Variants in BDNF observed in about 807,000 individuals in gnomAD.
The protein encoded by BDNF is neurotrophic factor BDNF precursor form.
Under a neutral mutation model 19.5 loss-of-function variants are expected in BDNF, and 1 was observed. The observed-to-expected ratio is 0.05, with a 90% confidence interval of 0.02 to 0.24. The LOEUF (loss-of-function observed/expected upper bound fraction) is 0.24, where lower values mean the gene tolerates loss of function less well. Among genes scored for constraint, BDNF ranks in the 10% least tolerant of loss-of-function variants. The pLI, the probability that BDNF is intolerant of heterozygous loss-of-function variation, is 1.00. For missense variants in BDNF, 195 were observed against 317.6 expected, an observed-to-expected ratio of 0.61 and a Z score of 2.93; for synonymous variants, 100 against 121.6, an observed-to-expected ratio of 0.82 and a Z score of 1.17.
chr11:27,697,917 T>C (rs1590443463), intron 1 of BDNF: 1 of 152,162 alleles, frequency 6.6e-6, no homozygotes, highest in South Asian at 2.1e-4. Flanking sequence ...ACGTAAGCCT[T>C]GTTTATCTGG....
rs1564942953 is a variant in BDNF, at chr11:27,659,644, TGTGTGC to T, written c.-21-1065_-21-1060del. ...GATGTTCTCTCTGTGTGTGTGTGTG[TGTGTGC>T]GCGCGCGCGTGTGCGCGCGCTCTGA... On this transcript the variant is annotated intron_variant, in intron 1 of 1. Coordinates refer to ENST00000356660, the MANE Select transcript of BDNF (RefSeq NM_001709.5). The T allele has an allele frequency of 9.0e-6, 9 of 997,810 alleles. No homozygotes were observed. The African/African-American group carries it at 1.6e-4, about 18-fold the overall frequency. The allele number at this position is 997,810 out of a possible 1,614,324, so 61.8% of individuals were successfully genotyped here.
In BDNF at chr11:27,698,223, T is replaced by TA. The variant is rs1487640625; in HGVS notation, c.-22+1940_-22+1941insT. On this transcript the variant is annotated intron_variant, in intron 1 of 1. Transcript: ENST00000356660. ...TCTCCTGCTAACCCAGAGGTAAATT[T>TA]CCCAAAAAAAAAAAAAAAAAAAAAA... 9.1e-4 allele frequency: 32 copies of TA among 35,294 alleles called. 7 individuals are homozygous for TA. The highest frequency in any genetic ancestry group is 3.3e-3 in the East Asian group (2 of 614). 2.2% of individuals were successfully genotyped at this position (35,294 alleles called of 1,614,324 possible).
chr11:27,678,395 A>G (rs572303235), intron 1 of BDNF, among the ~76,000 whole-genome samples: 1 of 152,234 alleles, frequency 6.6e-6, no homozygotes, highest in Admixed American at 6.5e-5. Context: ...AGAGGAATGA[A>G]ATCTTCCAAA....
intron 1 of BDNF, among the ~76,000 whole-genome samples, chr11:27,671,048 A>G (rs983442554): frequency 1.3e-5 from 2 of 152,014 alleles, no homozygotes; most frequent in African/African-American, 4.8e-5. Flanking sequence ...TGAGCAAACT[A>G]TCGCAAGGAC....
chr11:27,667,380 T>C (rs1004226193), intron 1 of BDNF, among the ~76,000 whole-genome samples: 2 of 152,188 alleles, frequency 1.3e-5, no homozygotes, highest in African/African-American at 4.8e-5. Context: ...AATAACCAGC[T>C]AACATCATAA....
chr11:27,672,096 T>C (rs1458861158), intron 1 of BDNF, among the ~76,000 whole-genome samples: 1 of 152,196 alleles, frequency 6.6e-6, no homozygotes, highest in Non-Finnish European at 1.5e-5. Flanking sequence ...TCTTTGCTTT[T>C]GTGTTTTTAC....
chr11:27,704,970 A>G (rs1860052924), upstream of BDNF, among the ~76,000 whole-genome samples: 1 of 152,212 alleles, frequency 6.6e-6, no homozygotes, highest in Non-Finnish European at 1.5e-5. Context: ...AGAAACTTTT[A>G]GAAGGGCCAA....
chr11:27,656,842 C>G lies in BDNF; in HGVS notation c.*979G>C. ...AAAATCACTGTTCTCCATGCTTATA[C>G]GAGTGTCATGATGTGACACAATGTG... On this transcript the variant is annotated 3_prime_UTR_variant, in exon 2 of 2. Coordinates refer to ENST00000356660, the MANE Select transcript of BDNF (RefSeq NM_001709.5). The G allele has an allele frequency of 1.2e-5, 12 of 985,202 alleles. No homozygotes were observed. The highest frequency in any genetic ancestry group is 1.4e-5 in the Non-Finnish European group (12 of 829,894). 61.0% of individuals were successfully genotyped at this position (985,202 alleles called of 1,614,324 possible). A position where few individuals can be genotyped will look rare whatever the true frequency, so the allele number is the denominator to read the frequency against.
upstream of BDNF, among the ~76,000 whole-genome samples, chr11:27,702,168 T>C (rs1859933325): frequency 6.6e-6 from 1 of 152,214 alleles, no homozygotes; most frequent in Non-Finnish European, 1.5e-5. Flanking sequence ...TCAACCAATT[T>C]GTGCAGACCT....
intron 1 of BDNF, among the ~76,000 whole-genome samples, chr11:27,682,405 TATTATA>T (rs1028249645): frequency 8.0e-5 from 12 of 150,492 alleles, no homozygotes; most frequent in South Asian, 2.1e-4. Flanking sequence ...TTATTATTAT[TATTATA>T]ATAATAATAA....
intron 1 of BDNF, chr11:27,673,981 C>T: frequency 7.0e-7 from 1 of 1,434,574 alleles, no homozygotes; most frequent in South Asian, 1.5e-5. Flanking sequence ...GAATAACACT[C>T]CTTTTCAAAC....
intron 1 of BDNF, among the ~76,000 whole-genome samples, chr11:27,712,424 T>C (rs2134106581): frequency 6.6e-6 from 1 of 152,334 alleles, no homozygotes; most frequent in Non-Finnish European, 1.5e-5. Context: ...TATATTACTA[T>C]ATCACACAAT....
At chr11:27,720,799 A>G in intron 1 of BDNF, 1 of 987,842 alleles carries the variant, frequency 1.0e-6, no homozygotes. Flanking sequence ...GGTTTCTTCC[A>G]CTTCCTTACG....
chr11:27,700,955 C>G, upstream of BDNF: 1 of 1,356,754 alleles, frequency 7.4e-7, no homozygotes, highest in Non-Finnish European at 9.8e-7. Context: ...GTGCGTTTCC[C>G]GGGCCACAGA....
intron 1 of BDNF, chr11:27,677,873 G>A (rs1856372386): frequency 6.6e-6 from 1 of 152,122 alleles, no homozygotes; most frequent in Non-Finnish European, 1.5e-5. Flanking sequence ...ACCAAAAACA[G>A]AGATTTACAC....
intron 1 of BDNF, among the ~76,000 whole-genome samples, chr11:27,682,308 A>G (rs1053564585): frequency 2.6e-5 from 4 of 152,068 alleles, no homozygotes; most frequent in African/African-American, 9.6e-5. Context: ...ATATGTATAT[A>G]TATTTTAAAG....
chr11:27,700,069 T>A, intron 1 of BDNF, 95 bp downstream of exon 1: 1 of 969,690 alleles, frequency 1.0e-6, no homozygotes, highest in Non-Finnish European at 1.2e-6. Context: ...GAGACTGGCC[T>A]CGTCCCACAA....
chr11:27,679,815 C>G lies in BDNF; in HGVS notation c.-22+20349G>C, dbSNP rs562067926. On this transcript the variant is annotated intron_variant, in intron 1 of 1. Coordinates refer to ENST00000356660, the MANE Select transcript of BDNF (RefSeq NM_001709.5). ...AAGTTCCTGTTTCACCAGCAGAGCTCTGGTCGCTCAGTTGAAGCTGAAAGT... is the reference window on the plus strand; with the variant it reads ...AAGTTCCTGTTTCACCAGCAGAGCTGTGGTCGCTCAGTTGAAGCTGAAAGT... Among the ~76,000 whole-genome samples the G allele has an allele frequency of 1.2e-4, 18 of 152,364 alleles. No individual in the cohort carries two copies. In the South Asian group the frequency reaches 2.9e-3, roughly 25 times the overall value.
At chr11:27,708,266 A>G (rs1186373564) in intron 1 of BDNF, among the ~76,000 whole-genome samples, 1 of 152,210 alleles carries the variant, frequency 6.6e-6, no homozygotes, top group African/African-American at 2.4e-5. Flanking sequence ...TAATATTCTT[A>G]TAGCATTATA....
Sources: gnomAD v4.1 joint callset for allele counts (sites outside exome capture counted in the v4.1 genomes callset) on GRCh38, gnomAD v4.1.1 for gene constraint, MANE v1.5 for transcripts, NCBI Gene and HGNC (gene_info 2026-07-23, HGNC 2026-07-21) for gene names.